The following ZNF532 variants were observed in gnomAD, a reference collection of about 807,000 sequenced individuals.
The protein encoded by ZNF532 is zinc finger protein 532.
Under a neutral mutation model 89.3 loss-of-function variants are expected in ZNF532, and 22 were observed. The observed-to-expected ratio is 0.25, with a 90% CI of 0.18 to 0.35. The LOEUF is 0.35. ZNF532 is among the 10% of genes least tolerant of loss of function. The probability of loss-of-function intolerance (pLI) is 1.00; values close to 1 mark genes in which losing one functional copy is unlikely to be tolerated. For missense variants in ZNF532, 1,132 were observed against 1,643.4 expected (o/e 0.69, Z 5.38); for synonymous variants, 606 against 649.6 (o/e 0.93, Z 1.02).
chr18:58,940,215 T>C (rs1030814045), intron 5 of ZNF532: 1 of 152,182 alleles, frequency 6.6e-6, no homozygotes, highest in Non-Finnish European at 1.5e-5. Flanking sequence ...TTTTGACAAC[T>C]CCTAGGAAAA....
intron 3 of ZNF532, among the ~76,000 whole-genome samples, chr18:58,922,584 A>G (rs1475997387): frequency 6.6e-6 from 1 of 152,204 alleles, no homozygotes; most frequent in Non-Finnish European, 1.5e-5. Context: ...TTCTGTCTAC[A>G]TGGATGTCCT....
intron 7 of ZNF532, among the ~76,000 whole-genome samples, chr18:58,973,390 C>T (rs2066681604): frequency 6.6e-6 from 1 of 152,268 alleles, no homozygotes; most frequent in Non-Finnish European, 1.5e-5. Context: ...GCGTGAGCCA[C>T]TGTGCCTGGC....
upstream of ZNF532, chr18:58,863,587 A>T (rs2056159263): frequency 2.9e-4 from 2 of 6,902 alleles, no homozygotes; most frequent in South Asian, 4.1e-3. Context: ...GCGGGAACGC[A>T]GATGACACGC....
At chr18:58,880,757 C>T (rs56030397) in intron 2 of ZNF532, among the ~76,000 whole-genome samples, 28,806 of 119,616 alleles carry the variant, frequency 0.24, 3,699 homozygotes, top group Middle Eastern at 0.41. Context: ...CATAGGCGCG[C>T]GCGCACGCGC....
intron 7 of ZNF532, among the ~76,000 whole-genome samples, chr18:58,962,175 G>A (rs1234568418): frequency 2.0e-5 from 3 of 151,768 alleles, no homozygotes; most frequent in Admixed American, 6.6e-5. Context: ...GCGGTGAGCC[G>A]AGATTACGCC....
rs183402430 is a variant in ZNF532 at position 58,870,157 on chromosome 18, G to A, written c.-18+4578G>A. ...AAAGGTAATGGTGGTACAGATGGAG[G>A]GGAGCCCAAGAAGTGGGACATGATG... On this transcript the variant is annotated intron_variant, in intron 2 of 9. Transcript: ENST00000591808. Among the ~76,000 whole-genome samples the A allele has an allele frequency of 5.9e-5, 9 of 151,748 alleles. No homozygotes were observed. In the East Asian group the frequency reaches 1.7e-3, roughly 29 times the overall value.
chr18:58,951,319 G>A (rs2064136519), intron 6 of ZNF532, among the ~76,000 whole-genome samples: 1 of 152,062 alleles, frequency 6.6e-6, no homozygotes, highest in African/African-American at 2.4e-5. Context: ...TGTAATTTCT[G>A]TAGCACTTTA....
chr18:58,926,483 A>G (rs906079172), intron 3 of ZNF532, among the ~76,000 whole-genome samples: 3 of 152,080 alleles, frequency 2.0e-5, no homozygotes, highest in African/African-American at 7.2e-5. Context: ...GATTACAGGC[A>G]TGCGCCACCA....
At chr18:58,888,849 ATATAAT>A (rs1175421067) in intron 2 of ZNF532, among the ~76,000 whole-genome samples, 4 of 58,246 alleles carry the variant, frequency 6.9e-5, no homozygotes, top group African/African-American at 3.9e-4. Context: ...ATTTATATAT[ATATAAT>A]TTATATATAT....
At chr18:58,875,539 G>C (rs929027077) in intron 2 of ZNF532, among the ~76,000 whole-genome samples, 4 of 152,234 alleles carry the variant, frequency 2.6e-5, no homozygotes, top group East Asian at 1.9e-4. Flanking sequence ...TTCTCTCTCA[G>C]GTGTTCCTAA....
At chr18:58,871,164 G>A (rs1174763632) in intron 2 of ZNF532, among the ~76,000 whole-genome samples, 1 of 152,174 alleles carries the variant, frequency 6.6e-6, no homozygotes, top group Non-Finnish European at 1.5e-5. Context: ...CAGGAAGGTA[G>A]AAAATGTAGC....
chr18:58,868,537 C>A lies in ZNF532; in HGVS notation c.-18+2958C>A, dbSNP rs138864534. Reference sequence around the variant, plus strand: ...CACTATAGGGACATGGTTCTCTCGTCCTAGAGTTTGGGCTTTCTAGAATGT... The same window carrying A: ...CACTATAGGGACATGGTTCTCTCGTACTAGAGTTTGGGCTTTCTAGAATGT... On this transcript the variant is annotated intron_variant, in intron 2 of 9. Coordinates refer to ENST00000591808, the MANE Select transcript of ZNF532 (RefSeq NM_001375912.1). 5.3e-3 allele frequency among the ~76,000 whole-genome samples: 807 copies of A among 152,288 alleles called. 4 individuals are homozygous for A. Among genetic ancestry groups the A allele is most frequent in the African/African-American group, 0.018 (764 of 41,562 alleles).
At chr18:58,976,643 C>A (rs1051561067) in intron 7 of ZNF532, among the ~76,000 whole-genome samples, 11 of 151,904 alleles carry the variant, frequency 7.2e-5, no homozygotes, top group African/African-American at 2.7e-4. Context: ...TGCAATTCTT[C>A]TGCCCCAGCC....
At chr18:58,863,861 G>A (rs1407308129), upstream of ZNF532, 2 of 152,276 alleles carry the variant, frequency 1.3e-5, no homozygotes, top group Non-Finnish European at 2.9e-5. Flanking sequence ...GAGGCGGGGT[G>A]CGGCCCCTCG....
chr18:58,926,133 T>A (rs2061500679), intron 3 of ZNF532: 1 of 152,180 alleles, frequency 6.6e-6, no homozygotes. Flanking sequence ...TTGCTGGGAT[T>A]TTGATAGGAA....
intron 2 of ZNF532, among the ~76,000 whole-genome samples, chr18:58,901,096 T>C (rs2059572358): frequency 3.3e-5 from 5 of 152,244 alleles, no homozygotes; most frequent in Non-Finnish European, 5.9e-5. Flanking sequence ...ACCTTCATAG[T>C]ATTGACCCAT....
intron 7 of ZNF532, among the ~76,000 whole-genome samples, chr18:58,967,097 C>G (rs79130194): frequency 6.6e-6 from 1 of 152,320 alleles, no homozygotes; most frequent in African/African-American, 2.4e-5. Context: ...GGTGTTGAAT[C>G]TGGTAACCAG....
At chr18:58,950,474 T>C (rs2064055702) in intron 6 of ZNF532, among the ~76,000 whole-genome samples, 1 of 151,578 alleles carries the variant, frequency 6.6e-6, no homozygotes, top group Non-Finnish European at 1.5e-5. Context: ...AGGGGCATAC[T>C]GTTTTTTTTT....
chr18:58,889,915 C>A (rs2058761535), intron 2 of ZNF532, among the ~76,000 whole-genome samples: 1 of 151,866 alleles, frequency 6.6e-6, no homozygotes, highest in Non-Finnish European at 1.5e-5. Context: ...AACCCTGCCT[C>A]TACTAAAAAT....
Sources: gnomAD v4.1 joint callset for allele counts (sites outside exome capture counted in the v4.1 genomes callset) on GRCh38, gnomAD v4.1.1 for gene constraint, MANE v1.5 for transcripts, NCBI Gene and HGNC (gene_info 2026-07-23, HGNC 2026-07-21) for gene names.